The following SUPT3H variants were observed in gnomAD, a reference collection of about 807,000 sequenced individuals.
The protein encoded by SUPT3H is transcription initiation protein SPT3 homolog.
A neutral mutation model predicts 44.3 loss-of-function variants in SUPT3H; 44 were observed. The ratio of observed to expected loss-of-function variants is 0.99; its 90% CI spans 0.78 to 1.28. The LOEUF is 1.28. SUPT3H is among the 50% of genes most tolerant of loss of function. SUPT3H has a pLI of 0.00. For missense variants in SUPT3H, 380 were observed against 387.1 expected (o/e 0.98, Z 0.15); for synonymous variants, 124 against 125.6 (o/e 0.99, Z 0.09).
chr6:45,155,724 T>C (rs947972036), intron 2 of SUPT3H, among the ~76,000 whole-genome samples: 1 of 152,008 alleles, frequency 6.6e-6, no homozygotes, highest in Non-Finnish European at 1.5e-5. Flanking sequence ...TTTTCACTGT[T>C]ACATAATTAT....
chr6:45,218,954 T>G (rs569124265), intron 2 of SUPT3H, among the ~76,000 whole-genome samples: 1 of 152,284 alleles, frequency 6.6e-6, no homozygotes, highest in South Asian at 2.1e-4. Context: ...AATCAAACTA[T>G]TAATCAATAA....
chr6:45,268,587 T>C (rs934273103), intron 2 of SUPT3H, among the ~76,000 whole-genome samples: 4 of 152,212 alleles, frequency 2.6e-5, no homozygotes, highest in African/African-American at 9.6e-5. Flanking sequence ...TACAAGTGTA[T>C]AGTATACCTA....
intron 2 of SUPT3H, among the ~76,000 whole-genome samples, chr6:45,178,623 C>G (rs576404738): frequency 6.6e-6 from 1 of 152,074 alleles, no homozygotes; most frequent in Non-Finnish European, 1.5e-5. Context: ...TTTTTTTCAG[C>G]ACCACACCAC....
chr6:45,306,705 T>C (rs1783075855), intron 2 of SUPT3H, among the ~76,000 whole-genome samples: 2 of 152,144 alleles, frequency 1.3e-5, no homozygotes. Flanking sequence ...GCTCCCAGCA[T>C]GAGCGACACA....
chr6:45,067,704 A>T (rs1793619364), intron 3 of SUPT3H, among the ~76,000 whole-genome samples: 1 of 149,636 alleles, frequency 6.7e-6, no homozygotes, highest in Non-Finnish European at 1.5e-5. Context: ...CAAGAAACAC[A>T]TGAAAAAATG....
intron 1 of SUPT3H, among the ~76,000 whole-genome samples, chr6:45,373,147 TCA>T (rs1321859430): frequency 6.6e-6 from 1 of 152,082 alleles, no homozygotes; most frequent in Non-Finnish European, 1.5e-5. Context: ...AGACCAGGTC[TCA>T]CTATATTGCC....
At chr6:45,143,863 T>C (rs888483692) in intron 2 of SUPT3H, among the ~76,000 whole-genome samples, 1 of 152,060 alleles carries the variant, frequency 6.6e-6, no homozygotes, top group Middle Eastern at 3.2e-3. Context: ...AAATGGGTGA[T>C]ATTACAACTG....
intron 3 of SUPT3H, among the ~76,000 whole-genome samples, chr6:45,099,937 A>G (rs1219153673): frequency 6.6e-6 from 1 of 151,964 alleles, no homozygotes; most frequent in African/African-American, 2.4e-5. Context: ...TTAGCCAGAT[A>G]GGGATTCCCA....
At position 44,953,399 on chromosome 6, in the gene SUPT3H, G is replaced by T; in HGVS notation, c.712C>A (p.Leu238Ile). The part of the protein sequence containing the change: ...TVAQLVDLAL[L>I]VRQDMVTKAG... ...TTGGTTACCATGTCTTGCCTCACAA[G>T]AAGAGCCAGATCCACTAACTAGAAG... The change falls in exon 9 of 11, where the codon CTT (leucine) becomes ATT (isoleucine). Residue 238 changes from leucine to isoleucine, a missense_variant. Transcript: ENST00000371459. 1 of 1,614,044 alleles carries T rather than the reference G, an allele frequency of 6.2e-7. No homozygotes were observed. The highest frequency in any genetic ancestry group is 8.5e-7 in the Non-Finnish European group (1 of 1,179,954).
At chr6:45,115,511 G>A (rs1047687136) in intron 2 of SUPT3H, among the ~76,000 whole-genome samples, 11 of 151,898 alleles carry the variant, frequency 7.2e-5, no homozygotes, top group Non-Finnish European at 1.3e-4. Context: ...GATTTTAAAC[G>A]TATTTACTGT....
At chr6:45,285,457 AC>A (rs1180050480) in intron 2 of SUPT3H, among the ~76,000 whole-genome samples, 2 of 152,148 alleles carry the variant, frequency 1.3e-5, no homozygotes, top group Non-Finnish European at 2.9e-5. Flanking sequence ...TAACAGACAA[AC>A]AGAGAGCCAA....
At chr6:44,891,089 T>C (rs113774473) in intron 10 of SUPT3H, among the ~76,000 whole-genome samples, 115 of 152,208 alleles carry the variant, frequency 7.6e-4, no homozygotes, top group African/African-American at 2.7e-3. Context: ...GTAACAAACC[T>C]GTACATTCTG....
intron 2 of SUPT3H, among the ~76,000 whole-genome samples, chr6:45,210,508 C>T (rs1763917028): frequency 6.6e-6 from 1 of 152,090 alleles, no homozygotes; most frequent in Non-Finnish European, 1.5e-5. Context: ...ACCTGGAAGC[C>T]CCCTCTCCCA....
At chr6:44,985,125 G>A (rs1779599492) in intron 6 of SUPT3H, among the ~76,000 whole-genome samples, 1 of 149,998 alleles carries the variant, frequency 6.7e-6, no homozygotes, top group Non-Finnish European at 1.5e-5. Context: ...GACTGCTTGA[G>A]GCCAGGAGTT....
intron 11 of SUPT3H, among the ~76,000 whole-genome samples, chr6:44,816,112 T>C (rs537197202): frequency 5.6e-4 from 85 of 152,212 alleles, no homozygotes; most frequent in African/African-American, 1.9e-3. Context: ...TCAACACATT[T>C]CTAAATAAGC....
At chr6:44,879,398 A>G (rs573223018) in intron 10 of SUPT3H, among the ~76,000 whole-genome samples, 184 of 152,318 alleles carry the variant, frequency 1.2e-3, no homozygotes, top group African/African-American at 4.0e-3. Context: ...TGGGCAGGGC[A>G]TCTCTGAAAG....
At chr6:45,230,686 A>ATATATATTTTTTTTTTTT (rs796866510) in intron 2 of SUPT3H, among the ~76,000 whole-genome samples, 1 of 116,796 alleles carries the variant, frequency 8.6e-6, no homozygotes, top group Non-Finnish European at 1.8e-5. Context: ...ATATATATAT[A>ATATATATTTTTTTTTTTT]TTTTTGAGAT....
intron 6 of SUPT3H, 68 bp from the exon 7 acceptor site, chr6:44,961,896 A>C: frequency 8.0e-7 from 1 of 1,250,018 alleles, no homozygotes; most frequent in Non-Finnish European, 1.1e-6. Context: ...CACAGCTTAA[A>C]CTTAGAATTG....
At chr6:45,166,045 C>G (rs563904012) in intron 2 of SUPT3H, among the ~76,000 whole-genome samples, 10 of 152,294 alleles carry the variant, frequency 6.6e-5, no homozygotes, top group Middle Eastern at 3.4e-3. Flanking sequence ...GCAATCCTAG[C>G]ACTTTGGGAA....
Sources: gnomAD v4.1 joint callset for allele counts (sites outside exome capture counted in the v4.1 genomes callset) on GRCh38, gnomAD v4.1.1 for gene constraint, MANE v1.5 for transcripts, NCBI Gene and HGNC (gene_info 2026-07-23, HGNC 2026-07-21) for gene names.